WDPCP: variants seen among roughly 807,000 people sequenced by gnomAD.
WDPCP encodes the protein WD repeat-containing and planar cell polarity effector protein fritz homolog.
A neutral mutation model predicts 93.1 loss-of-function variants in WDPCP; 71 were observed. The observed-to-expected ratio is 0.76, with a 90% CI of 0.63 to 0.93. The LOEUF is 0.93. Among genes scored for constraint, WDPCP ranks in the 40% least tolerant of loss-of-function variants. The probability of loss-of-function intolerance (pLI) is 0.00; values close to 1 mark genes in which losing one functional copy is unlikely to be tolerated. For synonymous variants in WDPCP, 315 were observed against 315.0 expected (o/e 1.00, Z 0.00); for missense variants, 844 against 887.4 (o/e 0.95, Z 0.62).
intron 17 of WDPCP, among the ~76,000 whole-genome samples, chr2:63,147,264 G>A (rs1240673359): frequency 1.3e-5 from 2 of 152,138 alleles, no homozygotes; most frequent in African/African-American, 4.8e-5. Context: ...GATTTCAGGA[G>A]GTGGTGGTGG....
chr2:63,338,569 A>ATATAT (rs1356124909), intron 12 of WDPCP, among the ~76,000 whole-genome samples: 1 of 14,470 alleles, frequency 6.9e-5, no homozygotes, highest in Admixed American at 1.2e-3. Context: ...AAAAAAAAAA[A>ATATAT]ATATATATAT....
At chr2:63,418,337 G>A (rs140383855) in intron 9 of WDPCP, among the ~76,000 whole-genome samples, 1 of 152,228 alleles carries the variant, frequency 6.6e-6, no homozygotes, top group Non-Finnish European at 1.5e-5. Context: ...TGTAATGAAG[G>A]GAGAAATGCT....
At chr2:63,243,765 C>G (rs1472008343) in intron 14 of WDPCP, among the ~76,000 whole-genome samples, 1 of 151,986 alleles carries the variant, frequency 6.6e-6, no homozygotes, top group Non-Finnish European at 1.5e-5. Context: ...TAATGGGGGA[C>G]TTCGGGGGCT....
chr2:63,549,154 C>T (rs1469147889), intron 1 of WDPCP, among the ~76,000 whole-genome samples: 4 of 147,692 alleles, frequency 2.7e-5, no homozygotes, highest in Non-Finnish European at 4.4e-5. Context: ...GAGGCTGAGG[C>T]AGGGAGAATC....
intron 1 of WDPCP, among the ~76,000 whole-genome samples, chr2:63,576,544 G>A (rs1708129018): frequency 6.6e-6 from 1 of 152,226 alleles, no homozygotes; most frequent in African/African-American, 2.4e-5. Context: ...CAACTATCCA[G>A]AAGCTCTCTG....
In WDPCP at chr2:63,605,692, A is replaced by G. The variant is rs1029011419; in HGVS notation, n.488+44967T>C. On this transcript the variant is annotated intron_variant and non_coding_transcript_variant, in intron 3 of 4. Coordinates refer to the WDPCP transcript ENST00000467687. The stretch of plus-strand genomic sequence containing the variant: ...GGTGAATTTTTTTCTTCTATGCCAC[A>G]GCTTCCTCATCTGTAAAATGAGGAT... 2.5e-5 allele frequency: 15 copies of G among 590,974 alleles called. No individual in the cohort carries two copies. In the African/African-American group the frequency reaches 2.6e-4, roughly 10 times the overall value. The allele number at this position is 590,974 out of a possible 1,614,324, so 36.6% of individuals were successfully genotyped here.
chr2:63,224,520 T>C (rs1162571560), intron 14 of WDPCP, among the ~76,000 whole-genome samples: 1 of 152,018 alleles, frequency 6.6e-6, no homozygotes, highest in Non-Finnish European at 1.5e-5. Flanking sequence ...CTAGATAAAC[T>C]GTGGTACATT....
chr2:63,223,725 C>T (rs62177782), intron 14 of WDPCP, among the ~76,000 whole-genome samples: 23,137 of 152,018 alleles, frequency 0.15, 2,226 homozygotes, highest in Non-Finnish European at 0.22. Context: ...TGCTATTAGG[C>T]GGGGGTTTAA....
At chr2:63,703,904 T>G (rs1441767267) in intron 2 of WDPCP, among the ~76,000 whole-genome samples, 1 of 152,212 alleles carries the variant, frequency 6.6e-6, no homozygotes, top group Non-Finnish European at 1.5e-5. Flanking sequence ...ATGGCCATTT[T>G]CACGATATTG....
chr2:63,734,810 A>G (rs564410180), intron 2 of WDPCP, among the ~76,000 whole-genome samples: 14 of 152,260 alleles, frequency 9.2e-5, no homozygotes, highest in African/African-American at 3.4e-4. Context: ...CCTCACTGAA[A>G]CCAAACATAG....
chr2:63,480,148 G>GA (rs545903206), intron 6 of WDPCP, among the ~76,000 whole-genome samples: 208 of 151,468 alleles, frequency 1.4e-3, no homozygotes, highest in African/African-American at 5.0e-3. Context: ...AGCTGCAAAA[G>GA]AAAAAAAATA....
chr2:63,648,487 C>G (rs1449261931), intron 3 of WDPCP, among the ~76,000 whole-genome samples: 1 of 152,162 alleles, frequency 6.6e-6, no homozygotes, highest in Non-Finnish European at 1.5e-5. Flanking sequence ...CCACCACAAT[C>G]AAGGTATTTA....
chr2:63,736,809 A>G (rs758117372), intron 2 of WDPCP, among the ~76,000 whole-genome samples: 1 of 152,216 alleles, frequency 6.6e-6, no homozygotes, highest in African/African-American at 2.4e-5. Flanking sequence ...CCCAAAACCT[A>G]TAATAATTTT....
At chr2:63,514,120 C>G (rs1369259043) in intron 1 of WDPCP, among the ~76,000 whole-genome samples, 1 of 152,032 alleles carries the variant, frequency 6.6e-6, no homozygotes. Flanking sequence ...AACATGGAAG[C>G]AAATACCAGA....
chr2:63,535,278 C>T (rs13018288), intron 1 of WDPCP, among the ~76,000 whole-genome samples: 29,307 of 152,134 alleles, frequency 0.19, 3,019 homozygotes, highest in Middle Eastern at 0.28. Flanking sequence ...TGAAGATGGC[C>T]ATACTGCCCA....
At chr2:63,687,718 C>T (rs1016907690) in intron 2 of WDPCP, among the ~76,000 whole-genome samples, 1 of 151,986 alleles carries the variant, frequency 6.6e-6, no homozygotes, top group African/African-American at 2.4e-5. Flanking sequence ...AAAAAAGAAC[C>T]CCCGTGCATT....
upstream of WDPCP, chr2:63,588,919 G>A: frequency 7.5e-7 from 1 of 1,331,014 alleles, no homozygotes; most frequent in Non-Finnish European, 1.1e-6. Context: ...AGAGCGCCGC[G>A]TCGGGAGCGG....
intron 2 of WDPCP, among the ~76,000 whole-genome samples, chr2:63,707,261 C>T (rs946291962): frequency 2.6e-5 from 4 of 152,220 alleles, no homozygotes; most frequent in Non-Finnish European, 5.9e-5. Flanking sequence ...CTTTCAGGTA[C>T]ACCAATCAGA....
intron 14 of WDPCP, among the ~76,000 whole-genome samples, chr2:63,209,380 T>C (rs1480180624): frequency 6.6e-6 from 1 of 152,180 alleles, no homozygotes; most frequent in Non-Finnish European, 1.5e-5. Context: ...ATGACCAAGC[T>C]TTAGGGTTCC....
Sources: allele counts gnomAD v4.1 joint callset (sites outside exome capture counted in the v4.1 genomes callset), GRCh38; gene constraint gnomAD v4.1.1; transcripts MANE v1.5; gene names NCBI Gene and HGNC (gene_info 2026-07-23, HGNC 2026-07-21).